The following ALS2CL variants were observed in gnomAD, a reference collection of about 807,000 sequenced individuals.
The protein encoded by ALS2CL is ALS2 C-terminal like.
ALS2CL carries 112 observed loss-of-function variants against 127.9 expected under a neutral mutation model. That is an observed-to-expected ratio of 0.88 (90% CI 0.75 to 1.02). The LOEUF (loss-of-function observed/expected upper bound fraction) is 1.02, where lower values mean the gene tolerates loss of function less well. Among genes scored for constraint, ALS2CL ranks in the 50% least tolerant of loss-of-function variants. ALS2CL has a pLI of 0.00. For synonymous variants in ALS2CL, 519 were observed against 527.6 expected, an observed-to-expected ratio of 0.98 and a Z score of 0.22; for missense variants, 1,174 against 1,236.7, an observed-to-expected ratio of 0.95 and a Z score of 0.76.
In ALS2CL at chr3:46,670,584, T is replaced by C. The variant is rs545064803; in HGVS notation, c.*400A>G. The stretch of plus-strand genomic sequence containing the variant: ...TAAAGTCAGTTTTCCAAAAGGACTC[T>C]GGAATTCAGCAAAATGAATGGAAGG... On this transcript the variant is annotated 3_prime_UTR_variant, in exon 26 of 26. Coordinates refer to ENST00000318962, the MANE Select transcript of ALS2CL (RefSeq NM_147129.5). The surrounding 1 kb of genome is among the most constrained non-coding windows in gnomAD (Gnocchi z 5.5). 1 of 198,536 alleles carries C rather than the reference T, an allele frequency of 5.0e-6. No individual in the cohort carries two copies. Among genetic ancestry groups the C allele is most frequent in the African/African-American group, 2.3e-5 (1 of 44,186 alleles). 12.3% of individuals were successfully genotyped at this position (198,536 alleles called of 1,614,324 possible). A position where few individuals can be genotyped will look rare whatever the true frequency, so the allele number is the denominator to read the frequency against.
intron 10 of ALS2CL, 77 bp downstream of exon 10, chr3:46,683,053 T>G: frequency 2.2e-6 from 3 of 1,387,676 alleles, no homozygotes; most frequent in Non-Finnish European, 2.9e-6. Context: ...CCTGAGACAA[T>G]TAGGCTTGTG....
In ALS2CL at chr3:46,671,940, G is replaced by T; in HGVS notation, c.2628C>A (p.Tyr876Ter). 4.3e-6 allele frequency: 7 copies of T among 1,613,968 alleles called. No individual in the cohort carries two copies. Among genetic ancestry groups the T allele is most frequent in the Non-Finnish European group, 5.9e-6 (7 of 1,180,014 alleles). ...GCAGCAGGTCGTCCATGGGCAGCTT[G>T]TACTCCCGGCCCAATACCCTCGACA... Reference protein sequence around the residue: ...GTVSRVLGREYKLPMDDLLPL... With the variant: ...GTVSRVLGRE Residue 876 changes from tyrosine to a stop codon, truncating the protein, a stop_gained, in exon 24 of 26, where the codon TAC becomes TAA. Coordinates refer to ENST00000318962, the MANE Select transcript of ALS2CL (RefSeq NM_147129.5). LOFTEE classifies it high-confidence loss of function.
rs77357503 is a variant in ALS2CL at position 46,682,013 on chromosome 3, C to T, written c.1175+16G>A. On this transcript the variant is annotated intron_variant, in intron 11 of 25. Coordinates refer to ENST00000318962, the MANE Select transcript of ALS2CL (RefSeq NM_147129.5). The stretch of plus-strand genomic sequence containing the variant: ...CCCACTGCACGCCTCCCAGCAGTAG[C>T]CCCAGCCAGCCTTACCCATGCTCCA... The T allele has an allele frequency of 1.4e-5, 23 of 1,613,544 alleles. No homozygotes were observed. In the Middle Eastern group the frequency reaches 9.9e-4, roughly 69 times the overall value.
At chr3:46,673,006 G>A (rs13074065) in intron 22 of ALS2CL, among the ~76,000 whole-genome samples, 55,944 of 151,960 alleles carry the variant, frequency 0.37, 10,732 homozygotes, top group African/African-American at 0.47. Context: ...ACTTTTTCTC[G>A]AAAAGTAAAT....
intron 16 of ALS2CL, 66 bp downstream of exon 16, chr3:46,678,193 G>A: frequency 6.8e-7 from 1 of 1,467,486 alleles, no homozygotes; most frequent in South Asian, 1.5e-5. Context: ...GGAGACCTGA[G>A]TCTTTGGGAT....
In ALS2CL at chr3:46,681,386, G is replaced by A. The variant is rs958611121; in HGVS notation, c.1296C>T (p.Tyr432=). 6.2e-7 allele frequency: 1 copy of A among 1,606,962 alleles called. No homozygotes were observed. The highest frequency in any genetic ancestry group is 1.3e-5 in the African/African-American group (1 of 74,766). Residue 432 remains tyrosine, a synonymous_variant, in exon 13 of 26, where the codon TAC becomes TAT. Coordinates refer to ENST00000318962, the MANE Select transcript of ALS2CL (RefSeq NM_147129.5). This position sits in a 1 kb window ranked among gnomAD's most constrained non-coding sequence, Gnocchi z 4.9. ...GCAGGCCCTCCTGGAAGTAGCCCTT[G>A]TACACCTCGTCGGTGCTGTACCTGG... ...GICEYSTDEV[Y]KGYFQEGLRH... is the part of the protein sequence containing the mutation.
chr3:46,687,757 C>CTGGGGAT, intron 3 of ALS2CL, 73 bp from the exon 4 acceptor site: 2 of 1,474,292 alleles, frequency 1.4e-6, no homozygotes, highest in Non-Finnish European at 1.8e-6. Flanking sequence ...TCCCTGGGAT[C>CTGGGGAT]CCCAGATCCC....
chr3:46,677,939 T>A (rs1477303696), intron 16 of ALS2CL, among the ~76,000 whole-genome samples: 1 of 150,180 alleles, frequency 6.7e-6, no homozygotes, highest in Non-Finnish European at 1.5e-5. Context: ...CATATGCTCT[T>A]ATTTTCTATT....
intron 20 of ALS2CL, chr3:46,675,295 C>A: frequency 3.1e-6 from 1 of 324,258 alleles, no homozygotes; most frequent in Non-Finnish European, 5.7e-6. Flanking sequence ...CCTACCAGCC[C>A]TCGGTTTCCC....
chr3:46,685,764 G>C (rs1257380138), intron 6 of ALS2CL, 120 bp from the exon 7 acceptor site: 4 of 1,397,704 alleles, frequency 2.9e-6, no homozygotes, highest in Non-Finnish European at 3.8e-6. Context: ...AGTAGACCTG[G>C]AGCGGACCCT....
At chr3:46,688,673 C>A (rs1181318822) in intron 2 of ALS2CL, among the ~76,000 whole-genome samples, 4 of 152,222 alleles carry the variant, frequency 2.6e-5, no homozygotes, top group African/African-American at 9.6e-5. Context: ...CAGTCCTCTG[C>A]CATTTCACAG....
At chr3:46,680,072 C>T in intron 14 of ALS2CL, 1 of 246,058 alleles carries the variant, frequency 4.1e-6, no homozygotes, top group South Asian at 7.6e-5. Flanking sequence ...TGGGAAGATC[C>T]CACAAGATCA....
In ALS2CL at chr3:46,670,614, T is replaced by TTA. The variant is rs1344540259; in HGVS notation, c.*368_*369dup. Reference sequence around the variant, plus strand: ...TTCAGCAAAATGAATGGAAGGTCCTTTACAGCGTACTCACTCCACCATTGT... The same window carrying TTA: ...TTCAGCAAAATGAATGGAAGGTCCTTTATACAGCGTACTCACTCCACCATTGT... On this transcript the variant is annotated 3_prime_UTR_variant, in exon 26 of 26. Coordinates refer to ENST00000318962, the MANE Select transcript of ALS2CL (RefSeq NM_147129.5). This position sits in a 1 kb window ranked among gnomAD's most constrained non-coding sequence, Gnocchi z 5.5. 4.3e-6 allele frequency: 1 copy of TTA among 231,998 alleles called. No individual in the cohort carries two copies. Among genetic ancestry groups the TTA allele is most frequent in the Non-Finnish European group, 8.8e-6 (1 of 113,986 alleles). The allele number at this position is 231,998 out of a possible 1,614,324, so 14.4% of individuals were successfully genotyped here. A position where few individuals can be genotyped will look rare whatever the true frequency, so the allele number is the denominator to read the frequency against.
At chr3:46,687,805 TG>T in intron 3 of ALS2CL, 121 bp from the exon 4 acceptor site, 1 of 1,070,150 alleles carries the variant, frequency 9.3e-7, no homozygotes, top group South Asian at 1.7e-5. Flanking sequence ...GCCCACACAG[TG>T]GCCTGGCTCT....
chr3:46,678,915 G>A (rs545873468), intron 15 of ALS2CL, among the ~76,000 whole-genome samples: 119 of 152,352 alleles, frequency 7.8e-4, no homozygotes, highest in African/African-American at 2.8e-3. Context: ...AGCTGCTCGA[G>A]GCACTGGTAC....
chr3:46,681,194 G>C lies in ALS2CL; in HGVS notation c.1436+52C>G, dbSNP rs1388816429. On this transcript the variant is annotated intron_variant, in intron 13 of 25. Coordinates refer to ENST00000318962, the MANE Select transcript of ALS2CL (RefSeq NM_147129.5). The surrounding 1 kb of genome is among the most constrained non-coding windows in gnomAD (Gnocchi z 4.9). ...TGTGTCCTGCAACAATCTGGTCTGT[G>C]AGGGCCCGGTCCACCCCTCCGTCCT... 2.5e-6 allele frequency: 4 copies of C among 1,612,140 alleles called. No homozygotes were observed. The South Asian group carries it at 4.4e-5, about 18-fold the overall frequency.
Position 46,686,544 on chromosome 3 carries a change from G to T in ALS2CL, c.535-105C>A. 6.9e-7 allele frequency: 1 copy of T among 1,448,474 alleles called. No homozygotes were observed. The highest frequency in any genetic ancestry group is 9.3e-7 in the Non-Finnish European group (1 of 1,077,496). 89.7% of individuals were successfully genotyped at this position (1,448,474 alleles called of 1,614,324 possible). ...GAGGCCTGAATCTAGGCCAGACCTT[G>T]CCCTTCTCTCCCTGACAGCTCCTCT... On this transcript the variant is annotated intron_variant, in intron 5 of 25. Transcript: ENST00000318962. This position sits in a 1 kb window ranked among gnomAD's most constrained non-coding sequence, Gnocchi z 4.3.
At chr3:46,682,121 C>G in intron 10 of ALS2CL, 27 bp from the exon 11 acceptor site, 1 of 1,612,474 alleles carries the variant, frequency 6.2e-7, no homozygotes, top group Non-Finnish European at 8.5e-7. Context: ...GTTCACGAGC[C>G]TCAGGCCTAC....
chr3:46,676,287 T>A lies in ALS2CL; in HGVS notation c.2144A>T (p.Glu715Val). 1 of 1,613,544 alleles carries A rather than the reference T, an allele frequency of 6.2e-7. No individual in the cohort carries two copies. The highest frequency in any genetic ancestry group is 8.5e-7 in the Non-Finnish European group (1 of 1,179,904). Reference sequence around the variant, plus strand: ...TTCCTGGGCATGCTGCTTCACCTCCTCCTGGGCCAGCTCCTGCAGGTGCTT... The same window carrying A: ...TTCCTGGGCATGCTGCTTCACCTCCACCTGGGCCAGCTCCTGCAGGTGCTT... ...ANKHLQELAQEEVKQHAQELW... is the reference protein window; with the variant it reads ...ANKHLQELAQVEVKQHAQELW... Residue 715 changes from glutamate (E) to valine (V), a missense_variant, in exon 19 of 26, where the codon GAG becomes GTG. By Grantham distance (121) the Glu-to-Val change is moderately radical (BLOSUM62 -2). Coordinates refer to ENST00000318962, the MANE Select transcript of ALS2CL (RefSeq NM_147129.5).
Sources: allele counts gnomAD v4.1 joint callset (sites outside exome capture counted in the v4.1 genomes callset), GRCh38; gene constraint gnomAD v4.1.1; non-coding constraint Gnocchi (gnomAD v3.1); transcripts MANE v1.5; gene names NCBI Gene and HGNC (gene_info 2026-07-23, HGNC 2026-07-21).